Variants in SLC12A4 observed in about 807,000 individuals in gnomAD.
SLC12A4 encodes the protein electroneutral potassium-chloride cotransporter 1.
In SLC12A4, 84 loss-of-function variants were observed where a neutral mutation model predicts 119.2. The ratio of observed to expected loss-of-function variants is 0.70; its 90% CI spans 0.59 to 0.85. The LOEUF is 0.85. Among genes scored for constraint, SLC12A4 ranks in the 40% least tolerant of loss-of-function variants. SLC12A4 has a pLI of 0.00. For missense variants in SLC12A4, 1,298 were observed against 1,476.3 expected, an observed-to-expected ratio of 0.88 and a Z score of 1.98; for synonymous variants, 599 against 604.6, an observed-to-expected ratio of 0.99 and a Z score of 0.14.
chr16:67,947,337 T>C lies in SLC12A4; in HGVS notation c.2066A>G (p.Asn689Ser). 5 of 1,611,782 alleles carry C rather than the reference T, an allele frequency of 3.1e-6. No homozygotes were observed. The highest frequency in any genetic ancestry group is 4.2e-6 in the Non-Finnish European group (5 of 1,179,402). The change falls in exon 16 of 24, where the codon AAC becomes AGC. Residue 689 changes from asparagine (N) to serine (S), a missense_variant. Physicochemically the swap from Asn to Ser is conservative, Grantham distance 46. Coordinates refer to ENST00000316341, the MANE Select transcript of SLC12A4 (RefSeq NM_005072.5). ...RLEEGPPHTK[N>S]WRPQLLVLLK... is the part of the protein sequence containing the mutation. ...GGGTCTGGCGGGAACTCACCGCCAG[T>C]TCTTGGTGTGAGGAGGCCCCTCCTC...
Position 67,947,765 on chromosome 16 carries a change from C to T in SLC12A4, c.1871G>A (p.Ser624Asn), listed in dbSNP as rs1266586836. The part of the protein sequence containing the change: ...YHWALSFLGM[S>N]LCLALMFVSS... ...GACAAACATAAGGGCCAGGCAGAGA[C>T]TCATGCCCAGGAAGGACAGCGCCCT... The change falls in exon 15 of 24, where the codon AGT (serine) becomes AAT (asparagine). Residue 624 changes from serine (S) to asparagine (N), a missense_variant. Ser to Asn is a conservative substitution (Grantham distance 46). Transcript: ENST00000316341. 1.3e-6 allele frequency: 2 copies of T among 1,599,748 alleles called. No individual in the cohort carries two copies. Among genetic ancestry groups the T allele is most frequent in the African/African-American group, 1.3e-5 (1 of 74,566 alleles).
chr16:67,951,402 G>C lies in SLC12A4; in HGVS notation c.1133-98C>G. 1 of 1,387,502 alleles carries C rather than the reference G, an allele frequency of 7.2e-7. No individual in the cohort carries two copies. The highest frequency in any genetic ancestry group is 9.8e-7 in the Non-Finnish European group (1 of 1,020,334). The allele number at this position is 1,387,502 out of a possible 1,614,324, so 85.9% of individuals were successfully genotyped here. ...GGCGCAGATGCAGGGCAACTTTGGG[G>C]ACTCAGGGAACAGCTTCAGCCCAAT... On this transcript the variant is annotated intron_variant, in intron 8 of 23. Coordinates refer to ENST00000316341, the MANE Select transcript of SLC12A4 (RefSeq NM_005072.5). This position sits in a 1 kb window ranked among gnomAD's most constrained non-coding sequence, Gnocchi z 5.2.
At chr16:67,966,621 A>G (rs955155013) in intron 1 of SLC12A4, 60 of 1,182,730 alleles carry the variant, frequency 5.1e-5, no homozygotes, top group Non-Finnish European at 6.9e-5. Context: ...TGGATGAGCA[A>G]GCCCATCTAG....
Position 67,951,718 on chromosome 16 carries a change from A to T in SLC12A4, c.1132+105T>A. On this transcript the variant is annotated intron_variant, in intron 8 of 23. Transcript: ENST00000316341. The surrounding 1 kb of genome is among the most constrained non-coding windows in gnomAD (Gnocchi z 5.2). ...ACACTGGGGGGCTGGGAAGGCGGCC[A>T]GTCCTGCCCCCGTTCCCAAGCTGGC... 2 of 1,058,082 alleles carry T rather than the reference A, an allele frequency of 1.9e-6. No homozygotes were observed. Among genetic ancestry groups the T allele is most frequent in the Non-Finnish European group, 2.7e-6 (2 of 728,838 alleles). 65.5% of individuals were successfully genotyped at this position (1,058,082 alleles called of 1,614,324 possible).
At chr16:67,956,156 G>A (rs1047377987) in intron 5 of SLC12A4, among the ~76,000 whole-genome samples, 1 of 152,052 alleles carries the variant, frequency 6.6e-6, no homozygotes, top group Non-Finnish European at 1.5e-5. Context: ...CAGCCTGGGC[G>A]ACACACTCCG....
At chr16:67,947,526 GAC>G in intron 15 of SLC12A4, 91 bp from the exon 16 acceptor site, 15 of 1,499,030 alleles carry the variant, frequency 1.0e-5, no homozygotes, top group Non-Finnish European at 1.4e-5. Flanking sequence ...TGCCCCTCAA[GAC>G]CACCCAGGGG....
chr16:67,955,457 C>T (rs1311014442), intron 5 of SLC12A4, among the ~76,000 whole-genome samples: 2 of 152,180 alleles, frequency 1.3e-5, no homozygotes, highest in African/African-American at 4.8e-5. Flanking sequence ...CGTGGTGGCT[C>T]ATGCCTGTAA....
Position 67,961,666 on chromosome 16 carries a change from C to T in SLC12A4, c.251G>A (p.Gly84Glu). ...GAGGTTGGTGTAGCTGACGAGCTTT[C>T]CCAGAAGAGACGATACCTTTGGGCG... ...DIRPKVSSLLGKLVSYTNLTQ... is the reference protein window; with the variant it reads ...DIRPKVSSLLEKLVSYTNLTQ... Residue 84 changes from glycine (G) to glutamate (E), a missense_variant, in exon 3 of 24, where the codon GGA becomes GAA. Gly to Glu is a moderately conservative substitution (Grantham distance 98, BLOSUM62 -2). Coordinates refer to ENST00000316341, the MANE Select transcript of SLC12A4 (RefSeq NM_005072.5). 2 of 1,614,200 alleles carry T rather than the reference C, an allele frequency of 1.2e-6. No individual in the cohort carries two copies. The highest frequency in any genetic ancestry group is 1.7e-6 in the Non-Finnish European group (2 of 1,180,026).
At position 67,946,331 on chromosome 16, in the gene SLC12A4, C is replaced by G. The variant is rs778427270; in HGVS notation, c.2447G>C (p.Arg816Pro). The G allele has an allele frequency of 6.2e-7, 1 of 1,609,592 alleles. No individual in the cohort carries two copies. Among genetic ancestry groups the G allele is most frequent in the Non-Finnish European group, 8.5e-7 (1 of 1,180,006 alleles). The change falls in exon 19 of 24, where the codon CGC becomes CCC. Residue 816 changes from arginine to proline, a missense_variant. Arg to Pro is a moderately radical substitution (Grantham distance 103). Transcript: ENST00000316341. ...RAWKTFIDTV[R>P]CTTAAHLALL... is the part of the protein sequence containing the mutation. The stretch of plus-strand genomic sequence containing the variant: ...GGCCAGGTGGGCAGCCGTAGTGCAG[C>G]GCACGGTGTCTGGGGAGGAGGAGCA...
Position 67,948,081 on chromosome 16 carries a change from G to C in SLC12A4, c.1827C>G (p.Pro609=). The change falls in exon 14 of 24, where the codon CCC becomes CCG. Residue 609 remains proline, a synonymous_variant. Coordinates refer to ENST00000316341, the MANE Select transcript of SLC12A4 (RefSeq NM_005072.5). ...QTLLRTPNWR[P]RFKYYHWALS... is the part of the protein sequence containing the mutation. ...CTCACCAGTGATAGTACTTGAACCG[G>C]GGCCGCCAGTTGGGGGTCCTCAGGA... 6.2e-7 allele frequency: 1 copy of C among 1,613,142 alleles called. No homozygotes were observed. Among genetic ancestry groups the C allele is most frequent in the Non-Finnish European group, 8.5e-7 (1 of 1,179,958 alleles).
intron 5 of SLC12A4, 73 bp downstream of exon 5, chr16:67,957,669 G>T: frequency 2.5e-6 from 4 of 1,572,396 alleles, no homozygotes; most frequent in Non-Finnish European, 3.5e-6. Flanking sequence ...TGTGCTATGG[G>T]GGTTCCCAGG....
rs558636401 is a variant in SLC12A4 at position 67,949,687 on chromosome 16, T to C, written c.1748+113A>G. 2.8e-6 allele frequency: 2 copies of C among 707,212 alleles called. No homozygotes were observed. Among genetic ancestry groups the C allele is most frequent in the African/African-American group, 3.6e-5 (2 of 55,646 alleles). 43.8% of individuals were successfully genotyped at this position (707,212 alleles called of 1,614,324 possible). A position where few individuals can be genotyped will look rare whatever the true frequency, so the allele number is the denominator to read the frequency against. Reference sequence around the variant, plus strand: ...AGCCCTGTCAGGCCACATCTCCCCATGCAGCCTGCCACATCTCCCAGCTGG... The same window carrying C: ...AGCCCTGTCAGGCCACATCTCCCCACGCAGCCTGCCACATCTCCCAGCTGG... On this transcript the variant is annotated intron_variant, in intron 13 of 23. Coordinates refer to ENST00000316341, the MANE Select transcript of SLC12A4 (RefSeq NM_005072.5). This position sits in a 1 kb window ranked among gnomAD's most constrained non-coding sequence, Gnocchi z 4.6.
rs547036867 is a variant in SLC12A4 at position 67,954,188 on chromosome 16, C to T, written c.675+455G>A. ...CCCATGGGGCTCGTGGAGGGAGCGC[C>T]GACCTCCAGCAGGGTTCTGTGGCTG... On this transcript the variant is annotated intron_variant, in intron 6 of 23. Coordinates refer to ENST00000316341, the MANE Select transcript of SLC12A4 (RefSeq NM_005072.5). The T allele has an allele frequency of 1.3e-5, 5 of 379,010 alleles. No homozygotes were observed. The East Asian group carries it at 2.8e-4, about 21-fold the overall frequency. 23.5% of individuals were successfully genotyped at this position (379,010 alleles called of 1,614,324 possible).
intron 16 of SLC12A4, 56 bp downstream of exon 16, chr16:67,947,275 C>T: frequency 6.4e-7 from 1 of 1,562,390 alleles, no homozygotes; most frequent in Non-Finnish European, 8.7e-7. Flanking sequence ...CCCTCTGACC[C>T]CGACAGCGAC....
rs2058371535 is a variant in SLC12A4, at chr16:67,947,996, C to A, written c.1847+65G>T. 2.6e-6 allele frequency: 4 copies of A among 1,561,842 alleles called. No individual in the cohort carries two copies. The Admixed American group carries it at 6.7e-5, about 26-fold the overall frequency. ...TCAAGAGCTCCCTACCCAGGAAACC[C>A]AAGCCTCACCCAGAATGAGGCTCCT... On this transcript the variant is annotated intron_variant, in intron 14 of 23. Coordinates refer to ENST00000316341, the MANE Select transcript of SLC12A4 (RefSeq NM_005072.5).
chr16:67,968,371 G>GCCCGGGATGGCGGC, intron 1 of SLC12A4, 68 bp downstream of exon 1: 1 of 1,383,672 alleles, frequency 7.2e-7, no homozygotes, highest in Non-Finnish European at 9.6e-7. Flanking sequence ...GCGGGCGCGG[G>GCCCGGGATGGCGGC]CCCGGGATGG....
chr16:67,951,710 A>G lies in SLC12A4; in HGVS notation c.1132+113T>C. 1.1e-6 allele frequency: 1 copy of G among 947,410 alleles called. No homozygotes were observed. The highest frequency in any genetic ancestry group is 1.6e-6 in the Non-Finnish European group (1 of 631,888). 58.7% of individuals were successfully genotyped at this position (947,410 alleles called of 1,614,324 possible). A position where few individuals can be genotyped will look rare whatever the true frequency, so the allele number is the denominator to read the frequency against. On this transcript the variant is annotated intron_variant, in intron 8 of 23. Transcript: ENST00000316341. The surrounding 1 kb of genome is among the most constrained non-coding windows in gnomAD (Gnocchi z 5.2). ...CTGGGAGGACACTGGGGGGCTGGGA[A>G]GGCGGCCAGTCCTGCCCCCGTTCCC...
chr16:67,961,872 C>T (rs890071132), intron 2 of SLC12A4, among the ~76,000 whole-genome samples, 166 bp from the exon 3 acceptor site: 2 of 152,254 alleles, frequency 1.3e-5, no homozygotes, highest in African/African-American at 4.8e-5. Context: ...CAGGTGTGCA[C>T]ACCACACCCC....
rs1266105638 is a variant in SLC12A4 at position 67,945,882 on chromosome 16, G to A, written c.2740-11C>T. 3 of 1,613,796 alleles carry A rather than the reference G, an allele frequency of 1.9e-6. No homozygotes were observed. Among genetic ancestry groups the A allele is most frequent in the Non-Finnish European group, 2.5e-6 (3 of 1,179,816 alleles). Reference sequence around the variant, plus strand: ...GATGTCACTGTTATGCTGGGGACAGGGTTGGCCGTGAGGACCCAGCTGCAC... The same window carrying A: ...GATGTCACTGTTATGCTGGGGACAGAGTTGGCCGTGAGGACCCAGCTGCAC... On this transcript the variant is annotated splice_polypyrimidine_tract_variant and intron_variant, in intron 20 of 23. Coordinates refer to ENST00000316341, the MANE Select transcript of SLC12A4 (RefSeq NM_005072.5).
Sources: gnomAD v4.1 joint callset for allele counts (sites outside exome capture counted in the v4.1 genomes callset) on GRCh38, gnomAD v4.1.1 for gene constraint, Gnocchi (gnomAD v3.1) non-coding constraint, MANE v1.5 for transcripts, NCBI Gene and HGNC (gene_info 2026-07-23, HGNC 2026-07-21) for gene names.